Variants in ATP1A1 observed in about 807,000 individuals in gnomAD.
ATP1A1 encodes the protein ATPase Na+/K+ transporting subunit alpha 1, also known as sodium/potassium-transporting ATPase subunit alpha-1.
Under a neutral mutation model 114.8 loss-of-function variants are expected in ATP1A1, and 14 were observed. That is an observed-to-expected ratio of 0.12 (90% confidence interval 0.08 to 0.19). The LOEUF (loss-of-function observed/expected upper bound fraction) is 0.19, where lower values mean the gene tolerates loss of function less well. ATP1A1 is among the 10% of genes least tolerant of loss of function. The pLI, the probability that ATP1A1 is intolerant of heterozygous loss-of-function variation, is 1.00. For synonymous variants in ATP1A1, 471 were observed against 466.3 expected (o/e 1.01, Z -0.13); for missense variants, 524 against 1,290.7 (o/e 0.41, Z 9.10).
At position 116,389,305 on chromosome 1, in the gene ATP1A1, A is replaced by G. The variant is rs1204926637; in HGVS notation, c.755-134A>G. 1 of 1,205,488 alleles carries G rather than the reference A, an allele frequency of 8.3e-7. No individual in the cohort carries two copies. The highest frequency in any genetic ancestry group is 1.5e-5 in the African/African-American group (1 of 65,756). The allele number at this position is 1,205,488 out of a possible 1,614,324, so 74.7% of individuals were successfully genotyped here. A position where few individuals can be genotyped will look rare whatever the true frequency, so the allele number is the denominator to read the frequency against. On this transcript the variant is annotated intron_variant, in intron 7 of 22. Coordinates refer to ENST00000295598, the MANE Select transcript of ATP1A1 (RefSeq NM_000701.8). The surrounding 1 kb of genome is among the most constrained non-coding windows in gnomAD (Gnocchi z 6.9). Reference sequence around the variant, plus strand: ...CTTTGCCAAACAGCATGTACAGCCAAAGAGCTGGCCCTTAAAAAGTGCTTT... The same window carrying G: ...CTTTGCCAAACAGCATGTACAGCCAGAGAGCTGGCCCTTAAAAAGTGCTTT...
At position 116,393,339 on chromosome 1, in the gene ATP1A1, T is replaced by A. The variant is rs1557788308; in HGVS notation, c.1468-192T>A. On this transcript the variant is annotated intron_variant, in intron 11 of 22. Transcript: ENST00000295598. This position sits in a 1 kb window ranked among gnomAD's most constrained non-coding sequence, Gnocchi z 5.0. ...CAAATGTCAGGAATTTATGAATATA[T>A]CATAGTGCTCATTTTTTTTTTTTTC... Among the ~76,000 whole-genome samples the A allele has an allele frequency of 7.0e-6, 1 of 143,620 alleles. No homozygotes were observed. 94.2% of individuals were successfully genotyped at this position (143,620 alleles called of 152,430 possible).
Position 116,388,783 on chromosome 1 carries a change from T to C in ATP1A1, c.636+11T>C, listed in dbSNP as rs751680585. On this transcript the variant is annotated intron_variant, in intron 6 of 22. Transcript: ENST00000295598. The surrounding 1 kb of genome is among the most constrained non-coding windows in gnomAD (Gnocchi z 5.6). ...GCAAATGGCTGCAAGGTAGCTCTTT[T>C]ATTTTAACAAACCTCATAGCTAGCT... The C allele has an allele frequency of 3.1e-6, 5 of 1,613,974 alleles. No homozygotes were observed. Among genetic ancestry groups the C allele is most frequent in the Middle Eastern group, 1.7e-4 (1 of 6,058 alleles).
Position 116,401,411 on chromosome 1 carries a change from C to CTT in ATP1A1, c.2850-141_2850-140dup. On this transcript the variant is annotated intron_variant, in intron 20 of 22. Transcript: ENST00000295598. The surrounding 1 kb of genome is among the most constrained non-coding windows in gnomAD (Gnocchi z 4.7). ...CAAATTTAGGAAGCAAGAAATGTAGCTTTCTAGTTTTTTCATCTGACCTCC... is the reference window on the plus strand; with the variant it reads ...CAAATTTAGGAAGCAAGAAATGTAGCTTTTTCTAGTTTTTTCATCTGACCTCC... The CTT allele has an allele frequency of 6.8e-7, 1 of 1,474,230 alleles. No homozygotes were observed. The highest frequency in any genetic ancestry group is 1.3e-5 in the South Asian group (1 of 76,348). The allele number at this position is 1,474,230 out of a possible 1,614,324, so 91.3% of individuals were successfully genotyped here.
rs770027849 is a variant in ATP1A1, at chr1:116,399,571, G to T, written c.2572+28G>T. 1 of 1,613,126 alleles carries T rather than the reference G, an allele frequency of 6.2e-7. No homozygotes were observed. The highest frequency in any genetic ancestry group is 1.3e-5 in the African/African-American group (1 of 74,832). On this transcript the variant is annotated intron_variant, in intron 18 of 22. Coordinates refer to ENST00000295598, the MANE Select transcript of ATP1A1 (RefSeq NM_000701.8). The surrounding 1 kb of genome is among the most constrained non-coding windows in gnomAD (Gnocchi z 5.0). ...AAGCTGCAGCCTGGAGTGGGAAGCTGGCACATCTAAGGCATCTGAGGTGAT... is the reference window on the plus strand; with the variant it reads ...AAGCTGCAGCCTGGAGTGGGAAGCTTGCACATCTAAGGCATCTGAGGTGAT...
At chr1:116,403,711 CTGTTT>C (rs1285672212) in intron 21 of ATP1A1, among the ~76,000 whole-genome samples, 168 bp from the exon 22 acceptor site, 1 of 152,206 alleles carries the variant, frequency 6.6e-6, no homozygotes, top group African/African-American at 2.4e-5. Flanking sequence ...GAGTAGCAAT[CTGTTT>C]TAAGACATTT....
chr1:116,373,473 A>G lies in ATP1A1; in HGVS notation c.-39A>G, dbSNP rs1431025124. On this transcript the variant is annotated 5_prime_UTR_variant, in exon 1 of 23. Coordinates refer to ENST00000295598, the MANE Select transcript of ATP1A1 (RefSeq NM_000701.8). Reference sequence around the variant, plus strand: ...TCTGTGCTTTTCTCTCTGATTCTCCAGCGACAGGACCCGGCGCCGGGCACT... The same window carrying G: ...TCTGTGCTTTTCTCTCTGATTCTCCGGCGACAGGACCCGGCGCCGGGCACT... 3 of 1,488,698 alleles carry G rather than the reference A, an allele frequency of 2.0e-6. No individual in the cohort carries two copies. The highest frequency in any genetic ancestry group is 1.5e-5 in the African/African-American group (1 of 67,506). 92.2% of individuals were successfully genotyped at this position (1,488,698 alleles called of 1,614,324 possible).
intron 10 of ATP1A1, 183 bp from the exon 11 acceptor site, chr1:116,392,669 CTG>C (rs1038269734): frequency 8.3e-6 from 5 of 599,852 alleles, no homozygotes; most frequent in African/African-American, 1.9e-5. Flanking sequence ...GTCTGAAGCA[CTG>C]TGAACAGCAG....
chr1:116,391,994 T>C (rs965390814), intron 10 of ATP1A1, among the ~76,000 whole-genome samples: 4 of 152,218 alleles, frequency 2.6e-5, no homozygotes, highest in Non-Finnish European at 4.4e-5. Flanking sequence ...GGCTTTTATT[T>C]AAAATGTCCC....
In ATP1A1 at chr1:116,387,514, T is replaced by G. The variant is rs1426132757; in HGVS notation, c.387+23T>G. ...AATGTGAGTTCTGTAATTCAGCATA[T>G]GGATTTGTAGTACACATCAGATATC... On this transcript the variant is annotated intron_variant, in intron 4 of 22. Transcript: ENST00000295598. The surrounding 1 kb of genome is among the most constrained non-coding windows in gnomAD (Gnocchi z 6.7). 6.2e-7 allele frequency: 1 copy of G among 1,612,380 alleles called. No homozygotes were observed. Among genetic ancestry groups the G allele is most frequent in the Non-Finnish European group, 8.5e-7 (1 of 1,178,516 alleles).
At chr1:116,382,158 G>A (rs1032982649) in intron 1 of ATP1A1, among the ~76,000 whole-genome samples, 27 of 152,324 alleles carry the variant, frequency 1.8e-4, no homozygotes, top group African/African-American at 5.8e-4. Flanking sequence ...GGGCGACAGA[G>A]TGAGACTCCA....
Position 116,401,538 on chromosome 1 carries a change from C to G in ATP1A1, c.2850-16C>G, listed in dbSNP as rs1431340583. 1 of 1,612,876 alleles carries G rather than the reference C, an allele frequency of 6.2e-7. No homozygotes were observed. The highest frequency in any genetic ancestry group is 8.5e-7 in the Non-Finnish European group (1 of 1,179,326). ...TTTGCACCTTTTAAGTTTTTTCTCC[C>G]CTACTTTGATTTTAGGAACAAGATC... On this transcript the variant is annotated splice_polypyrimidine_tract_variant and intron_variant, in intron 20 of 22. Coordinates refer to ENST00000295598, the MANE Select transcript of ATP1A1 (RefSeq NM_000701.8). This position sits in a 1 kb window ranked among gnomAD's most constrained non-coding sequence, Gnocchi z 4.7.
intron 21 of ATP1A1, among the ~76,000 whole-genome samples, chr1:116,402,855 G>A (rs1261513187): frequency 1.3e-5 from 2 of 152,176 alleles, no homozygotes; most frequent in Admixed American, 1.3e-4. Context: ...CTCCCTGCTA[G>A]GTTTTAATCT....
Position 116,373,370 on chromosome 1 carries a change from T to TCCCCC in ATP1A1, c.-139_-138insCCCCC. On this transcript the variant is annotated 5_prime_UTR_variant, in exon 1 of 23. Transcript: ENST00000295598. ...CATCGGCCCGAGCCGCCGGCCGCCCTCCCACCCTCCCGCCCCGCGGCAGCC... is the reference window on the plus strand; with the variant it reads ...CATCGGCCCGAGCCGCCGGCCGCCCTCCCCCCCCACCCTCCCGCCCCGCGGCAGCC... The TCCCCC allele has an allele frequency of 3.0e-6, 1 of 333,836 alleles. No individual in the cohort carries two copies. Among genetic ancestry groups the TCCCCC allele is most frequent in the Non-Finnish European group, 5.2e-6 (1 of 191,792 alleles). 20.7% of individuals were successfully genotyped at this position (333,836 alleles called of 1,614,324 possible). A position where few individuals can be genotyped will look rare whatever the true frequency, so the allele number is the denominator to read the frequency against.
In ATP1A1 at chr1:116,373,332, A is replaced by C; in HGVS notation, c.-180A>C. 1 of 524,038 alleles carries C rather than the reference A, an allele frequency of 1.9e-6. No individual in the cohort carries two copies. 32.5% of individuals were successfully genotyped at this position (524,038 alleles called of 1,614,324 possible). A position where few individuals can be genotyped will look rare whatever the true frequency, so the allele number is the denominator to read the frequency against. ...GGTAGCAGCCCGGGCGGCGGCAGCA[A>C]CAGCGGCGGCGGCATCGGCCCGAGC... is the stretch of plus-strand genomic sequence containing the variant. On this transcript the variant is annotated 5_prime_UTR_variant, in exon 1 of 23. Coordinates refer to ENST00000295598, the MANE Select transcript of ATP1A1 (RefSeq NM_000701.8).
intron 10 of ATP1A1, 96 bp downstream of exon 10, chr1:116,390,987 G>T (rs1306088052): frequency 8.4e-6 from 9 of 1,068,566 alleles, no homozygotes; most frequent in Non-Finnish European, 1.3e-5. Flanking sequence ...TGGTCTGTGT[G>T]ACTGTTCACT....
rs530868550 is a variant in ATP1A1, at chr1:116,381,229, T to A, written c.13-2785T>A. ...TCATTCACCCTTCCCATGACCTTTGTTTTTCCCTAATGCCTTAAAAAATAA... is the reference window on the plus strand; with the variant it reads ...TCATTCACCCTTCCCATGACCTTTGATTTTCCCTAATGCCTTAAAAAATAA... On this transcript the variant is annotated intron_variant, in intron 1 of 22. Transcript: ENST00000295598. This position sits in a 1 kb window ranked among gnomAD's most constrained non-coding sequence, Gnocchi z 5.1. 1.3e-5 allele frequency among the ~76,000 whole-genome samples: 2 copies of A among 152,332 alleles called. No homozygotes were observed. Among genetic ancestry groups the A allele is most frequent in the East Asian group, 3.9e-4 (2 of 5,188 alleles).
rs574643558 is a variant in ATP1A1 at position 116,388,802 on chromosome 1, G to C, written c.636+30G>C. The C allele has an allele frequency of 6.2e-7, 1 of 1,613,418 alleles. No homozygotes were observed. The highest frequency in any genetic ancestry group is 8.5e-7 in the Non-Finnish European group (1 of 1,179,604). On this transcript the variant is annotated intron_variant, in intron 6 of 22. Coordinates refer to ENST00000295598, the MANE Select transcript of ATP1A1 (RefSeq NM_000701.8). This position sits in a 1 kb window ranked among gnomAD's most constrained non-coding sequence, Gnocchi z 5.6. ...CTCTTTTATTTTAACAAACCTCATA[G>C]CTAGCTCTGCTGTTCGGGCAGCTTG...
At position 116,399,641 on chromosome 1, in the gene ATP1A1, A is replaced by G. The variant is rs892024166; in HGVS notation, c.2572+98A>G. 2.6e-6 allele frequency: 4 copies of G among 1,534,082 alleles called. No homozygotes were observed. In the African/African-American group the frequency reaches 5.5e-5, roughly 21 times the overall value. ...GGTTGATTTCAGAGACTGCAAATCC[A>G]GGCGACTTTCAGGTCTAGGATGAGC... On this transcript the variant is annotated intron_variant, in intron 18 of 22. Transcript: ENST00000295598. The surrounding 1 kb of genome is among the most constrained non-coding windows in gnomAD (Gnocchi z 5.0).
At position 116,399,147 on chromosome 1, in the gene ATP1A1, G is replaced by A; in HGVS notation, c.2448+63G>A. 6.2e-7 allele frequency: 1 copy of A among 1,601,712 alleles called. No homozygotes were observed. Among genetic ancestry groups the A allele is most frequent in the Non-Finnish European group, 8.5e-7 (1 of 1,170,230 alleles). ...GTGTGAGCTGTGTCTTCATTCACTG[G>A]CACTATGCTCCCAGCATCCATGAGG... On this transcript the variant is annotated intron_variant, in intron 17 of 22. Coordinates refer to ENST00000295598, the MANE Select transcript of ATP1A1 (RefSeq NM_000701.8). The surrounding 1 kb of genome is among the most constrained non-coding windows in gnomAD (Gnocchi z 5.0).
Sources: allele counts gnomAD v4.1 joint callset (sites outside exome capture counted in the v4.1 genomes callset), GRCh38; gene constraint gnomAD v4.1.1; non-coding constraint Gnocchi (gnomAD v3.1); transcripts MANE v1.5; gene names NCBI Gene and HGNC (gene_info 2026-07-23, HGNC 2026-07-21).